Variants in NIBAN2 observed in about 807,000 individuals in gnomAD.
NIBAN2 encodes protein Niban 2.
Under a neutral mutation model 81.8 loss-of-function variants are expected in NIBAN2, and 36 were observed. That is an observed-to-expected ratio of 0.44 (90% CI 0.34 to 0.58). The LOEUF (loss-of-function observed/expected upper bound fraction) is 0.58, where lower values mean the gene tolerates loss of function less well. Ranked by LOEUF, NIBAN2 falls within the 20% of genes least tolerant of loss-of-function variation. NIBAN2 has a pLI of 0.02. For missense variants in NIBAN2, 897 were observed against 1,014.1 expected, an observed-to-expected ratio of 0.88 and a Z score of 1.57; for synonymous variants, 445 against 441.6, an observed-to-expected ratio of 1.01 and a Z score of -0.10.
intron 1 of NIBAN2, 65 bp downstream of exon 1, chr9:127,568,755 G>A: frequency 8.2e-7 from 1 of 1,215,860 alleles, no homozygotes; most frequent in Non-Finnish European, 1.0e-6. Flanking sequence ...TGCTGGCCGG[G>A]GCGGGGGCGT....
Position 127,508,022 on chromosome 9 carries a change from T to A in NIBAN2, c.1543-44A>T, listed in dbSNP as rs548522801. On this transcript the variant is annotated intron_variant, in intron 12 of 13. Transcript: ENST00000373312. This position sits in a 1 kb window ranked among gnomAD's most constrained non-coding sequence, Gnocchi z 6.4. ...AGAGATGAGAGGTCAGGGCCAAGGG[T>A]AGAGGGAGGCCTGTGGGCTCCATCC... 1.2e-6 allele frequency: 2 copies of A among 1,611,752 alleles called. No homozygotes were observed. The highest frequency in any genetic ancestry group is 2.2e-5 in the South Asian group (2 of 91,020).
Position 127,506,946 on chromosome 9 carries a change from G to C in NIBAN2, c.2140C>G (p.Pro714Ala). The C allele has an allele frequency of 6.2e-7, 1 of 1,608,716 alleles. No homozygotes were observed. Among genetic ancestry groups the C allele is most frequent in the South Asian group, 1.1e-5 (1 of 90,394 alleles). The change falls in exon 14 of 14, where the codon CCC becomes GCC. Residue 714 changes from proline to alanine, a missense_variant. Coordinates refer to ENST00000373312, the MANE Select transcript of NIBAN2 (RefSeq NM_022833.4). The part of the protein sequence containing the change: ...GKAVDLGPPK[P>A]SDQETGEQVS... ...TGCTCTCCAGTCTCCTGGTCGCTGG[G>C]CTTGGGGGGCCCAAGGTCCACAGCC...
intron 1 of NIBAN2, among the ~76,000 whole-genome samples, chr9:127,554,146 T>C (rs1021413234): frequency 3.3e-5 from 5 of 152,348 alleles, no homozygotes; most frequent in Admixed American, 6.5e-5. Flanking sequence ...ACAAATTTGT[T>C]GCTCTCCTTG....
chr9:127,558,748 G>A (rs1397284008), intron 1 of NIBAN2, among the ~76,000 whole-genome samples: 1 of 152,158 alleles, frequency 6.6e-6, no homozygotes, highest in African/African-American at 2.4e-5. Flanking sequence ...AAACAGAAGT[G>A]CAATTGTCAG....
intron 9 of NIBAN2, 147 bp from the exon 10 acceptor site, chr9:127,509,278 A>T: frequency 1.4e-6 from 1 of 737,180 alleles, no homozygotes. Context: ...ATGGCCACAA[A>T]GGTAAACCCA....
intron 1 of NIBAN2, among the ~76,000 whole-genome samples, chr9:127,555,722 G>A (rs1179162125): frequency 2.6e-5 from 4 of 152,250 alleles, no homozygotes; most frequent in African/African-American, 9.6e-5. Context: ...TGACAGGAGA[G>A]CAAACCACAG....
At position 127,523,784 on chromosome 9, in the gene NIBAN2, G is replaced by A. The variant is rs747289335; in HGVS notation, c.484C>T (p.Leu162Phe). 1.2e-6 allele frequency: 2 copies of A among 1,614,124 alleles called. No individual in the cohort carries two copies. Among genetic ancestry groups the A allele is most frequent in the South Asian group, 1.1e-5 (1 of 91,086 alleles). ...LKCPTQFPLILWHPYARHYYF... is the reference protein window; with the variant it reads ...LKCPTQFPLIFWHPYARHYYF... The stretch of plus-strand genomic sequence containing the variant: ...TAGTGACGCGCATAAGGATGCCAGA[G>A]GATGAGCGGGAACTGTGTGGGGCAC... The change falls in exon 5 of 14, where the codon CTC (leucine) becomes TTC (phenylalanine). Residue 162 changes from leucine (L) to phenylalanine (F), a missense_variant. Physicochemically the swap from Leu to Phe is conservative, Grantham distance 22 (BLOSUM62 0). Around this residue, in one of 3 missense-constraint regions of NIBAN2, gnomAD observed 69 missense variants for 114.7 expected, o/e 0.60. Transcript: ENST00000373312.
intron 1 of NIBAN2, among the ~76,000 whole-genome samples, chr9:127,540,879 G>A (rs754457520): frequency 2.0e-5 from 3 of 152,176 alleles, no homozygotes; most frequent in Non-Finnish European, 4.4e-5. Context: ...CACCCACGAG[G>A]CCCAGCCCGG....
rs1354940662 is a variant in NIBAN2, at chr9:127,523,845, C to T, written c.423G>A (p.Gly141=). The change falls in exon 5 of 14, where the codon GGG becomes GGA. Residue 141 remains glycine, a splice_region_variant and synonymous_variant. Transcript: ENST00000373312. ...YLELIGNSLP[G]TTAKSGSAPI... The stretch of plus-strand genomic sequence containing the variant: ...GGGCACTGCCCGACTTTGCCGTGGT[C>T]CCTGTGGAGACAGTGCCTGATGAGC... 6.2e-7 allele frequency: 1 copy of T among 1,608,844 alleles called. No individual in the cohort carries two copies. Among genetic ancestry groups the T allele is most frequent in the Admixed American group, 1.7e-5 (1 of 59,948 alleles).
Position 127,523,845 on chromosome 9 carries a change from C to A in NIBAN2, c.423G>T (p.Gly141=). The change falls in exon 5 of 14, where the codon GGG becomes GGT. Residue 141 remains glycine (G), a splice_region_variant and synonymous_variant. Transcript: ENST00000373312. The stretch of plus-strand genomic sequence containing the variant: ...GGGCACTGCCCGACTTTGCCGTGGT[C>A]CCTGTGGAGACAGTGCCTGATGAGC... ...YLELIGNSLP[G]TTAKSGSAPI... is the part of the protein sequence containing the mutation. 6.2e-7 allele frequency: 1 copy of A among 1,608,840 alleles called. No individual in the cohort carries two copies. Among genetic ancestry groups the A allele is most frequent in the South Asian group, 1.1e-5 (1 of 90,992 alleles).
chr9:127,555,682 C>T (rs373360175), intron 1 of NIBAN2, among the ~76,000 whole-genome samples: 96 of 152,354 alleles, frequency 6.3e-4, no homozygotes, highest in African/African-American at 2.3e-3. Context: ...TGCTCCCTTT[C>T]CCACTCAGTG....
chr9:127,572,298 G>A (rs74573541), upstream of NIBAN2, among the ~76,000 whole-genome samples: 1,207 of 152,262 alleles, frequency 7.9e-3, 13 homozygotes, highest in African/African-American at 0.027. Context: ...ACAGGTGTGA[G>A]CCACCATTTA....
At chr9:127,537,839 C>G (rs1424678390) in intron 1 of NIBAN2, among the ~76,000 whole-genome samples, 1 of 152,180 alleles carries the variant, frequency 6.6e-6, no homozygotes, top group African/African-American at 2.4e-5. Flanking sequence ...CAAAACCTGC[C>G]GAGGCCCCTC....
intron 3 of NIBAN2, 39 bp from the exon 4 acceptor site, chr9:127,525,202 T>A (rs1837040062): frequency 3.2e-6 from 5 of 1,545,358 alleles, no homozygotes; most frequent in Non-Finnish European, 3.6e-6. Context: ...AGGGTTAAGG[T>A]GCGGCCAAGC....
chr9:127,518,028 C>G lies in NIBAN2; in HGVS notation c.590-87G>C, dbSNP rs561955193. 6 of 764,458 alleles carry G rather than the reference C, an allele frequency of 7.8e-6. No individual in the cohort carries two copies. In the Admixed American group the frequency reaches 1.4e-4, roughly 18 times the overall value. 47.4% of individuals were successfully genotyped at this position (764,458 alleles called of 1,614,324 possible). A position where few individuals can be genotyped will look rare whatever the true frequency, so the allele number is the denominator to read the frequency against. The stretch of plus-strand genomic sequence containing the variant: ...CAACTGAGAACTGACCAAAACCCCC[C>G]CCACACACATGGCATGCACCTCAGG... On this transcript the variant is annotated intron_variant, in intron 5 of 13. Coordinates refer to ENST00000373312, the MANE Select transcript of NIBAN2 (RefSeq NM_022833.4).
Position 127,507,429 on chromosome 9 carries a change from C to T in NIBAN2, c.1657G>A (p.Val553Met). The T allele has an allele frequency of 6.6e-7, 1 of 1,506,948 alleles. No homozygotes were observed. The highest frequency in any genetic ancestry group is 2.3e-5 in the Admixed American group (1 of 43,038). 93.3% of individuals were successfully genotyped at this position (1,506,948 alleles called of 1,614,324 possible). A position where few individuals can be genotyped will look rare whatever the true frequency, so the allele number is the denominator to read the frequency against. Reference sequence around the variant, plus strand: ...TTCCTCTGCACCGCGGCCTCCTTCACAGCTACAGGGCCACAGGGGAAGGGT... The same window carrying T: ...TTCCTCTGCACCGCGGCCTCCTTCATAGCTACAGGGCCACAGGGGAAGGGT... ...QTVMKDILQA[V>M]KEAAVQRKHN... The change falls in exon 14 of 14, where the codon GTG (valine) becomes ATG (methionine). Residue 553 changes from valine (V) to methionine (M), a missense_variant and splice_region_variant. By Grantham distance (21) the Val-to-Met change is conservative. Coordinates refer to ENST00000373312, the MANE Select transcript of NIBAN2 (RefSeq NM_022833.4). The surrounding 1 kb of genome is among the most constrained non-coding windows in gnomAD (Gnocchi z 6.8).
chr9:127,568,763 C>T (rs2132243406), intron 1 of NIBAN2, 57 bp downstream of exon 1: 2 of 1,228,634 alleles, frequency 1.6e-6, no homozygotes, highest in Non-Finnish European at 2.0e-6. Flanking sequence ...GGGGCGGGGG[C>T]GTGGTCCGGG....
chr9:127,534,255 A>G (rs1239117626), intron 1 of NIBAN2, among the ~76,000 whole-genome samples: 1 of 152,234 alleles, frequency 6.6e-6, no homozygotes, highest in Non-Finnish European at 1.5e-5. Flanking sequence ...TTCTCAAAAC[A>G]GGAGCTGGCA....
chr9:127,568,926 G>A lies in NIBAN2; in HGVS notation c.-52C>T. On this transcript the variant is annotated 5_prime_UTR_variant, in exon 1 of 14. Transcript: ENST00000373312. The stretch of plus-strand genomic sequence containing the variant: ...GGCCGACGCCGCCGCTGTTGCCCGC[G>A]CTGCTCAGGCGGACGCCGCTGGCGC... 1 of 1,226,392 alleles carries A rather than the reference G, an allele frequency of 8.2e-7. No individual in the cohort carries two copies. The highest frequency in any genetic ancestry group is 3.6e-5 in the East Asian group (1 of 27,774). 76.0% of individuals were successfully genotyped at this position (1,226,392 alleles called of 1,614,324 possible). A position where few individuals can be genotyped will look rare whatever the true frequency, so the allele number is the denominator to read the frequency against.
Sources: allele counts gnomAD v4.1 joint callset (sites outside exome capture counted in the v4.1 genomes callset), GRCh38; gene constraint gnomAD v4.1.1; regional missense constraint gnomAD v4.1.1; non-coding constraint Gnocchi (gnomAD v3.1); transcripts MANE v1.5; gene names NCBI Gene and HGNC (gene_info 2026-07-23, HGNC 2026-07-21).